PKP1: variants seen among roughly 807,000 people sequenced by gnomAD.
The protein encoded by PKP1 is plakophilin-1.
PKP1 carries 27 observed loss-of-function variants against 76.4 expected under a neutral mutation model. The observed-to-expected ratio is 0.35, with a 90% CI of 0.26 to 0.49. PKP1 has a LOEUF of 0.49. Ranked by LOEUF, PKP1 falls within the 20% of genes least tolerant of loss-of-function variation. The pLI, the probability that PKP1 is intolerant of heterozygous loss-of-function variation, is 0.99. For synonymous variants in PKP1, 404 were observed against 384.2 expected (o/e 1.05, Z -0.60); for missense variants, 964 against 955.2 (o/e 1.01, Z -0.12).
Position 201,299,077 on chromosome 1 carries a change from G to A in PKP1, c.306+5032G>A, listed in dbSNP as rs138614410. ...GGCCAGGTACTGCAGAGGGGCTGCC[G>A]GGGAGAAACACGGTAGGACTCCTAC... On this transcript the variant is annotated intron_variant, in intron 2 of 13. Transcript: ENST00000367324. Among the ~76,000 whole-genome samples the A allele has an allele frequency of 3.0e-3, 458 of 152,290 alleles. 1 individual carries two copies. The highest frequency in any genetic ancestry group is 9.3e-3 in the African/African-American group (385 of 41,556).
chr1:201,293,683 C>T (rs1036520198), intron 1 of PKP1, among the ~76,000 whole-genome samples: 5 of 152,194 alleles, frequency 3.3e-5, no homozygotes, highest in African/African-American at 1.2e-4. Context: ...AGCAGTGGAG[C>T]CACTGGGCTC....
At position 201,321,858 on chromosome 1, in the gene PKP1, G is replaced by A. The variant is rs371427022; in HGVS notation, c.1348-120G>A. On this transcript the variant is annotated intron_variant, in intron 7 of 13. Coordinates refer to ENST00000367324, the MANE Select transcript of PKP1 (RefSeq NM_001005337.3). ...AGGCTGATAGTGTGGTGGTGCCTGC[G>A]CTCATCTTTCCCGATGCAGCCCAGG... 66 of 1,118,966 alleles carry A rather than the reference G, an allele frequency of 5.9e-5. No individual in the cohort carries two copies. The East Asian group carries it at 1.3e-3, about 22-fold the overall frequency. 69.3% of individuals were successfully genotyped at this position (1,118,966 alleles called of 1,614,324 possible).
Position 201,283,755 on chromosome 1 carries a change from A to G in PKP1, c.53A>G (p.Gln18Arg). ...TALAYECFQD[Q>R]DNSTLALPSD... The stretch of plus-strand genomic sequence containing the variant: ...TTGGCGTACGAATGCTTCCAGGACC[A>G]GGACAACTCCACGTTGGCTTTGCCG... Residue 18 changes from glutamine (Q) to arginine (R), a missense_variant, in exon 1 of 14, where the codon CAG (glutamine) becomes CGG (arginine). Gln to Arg is a conservative substitution (Grantham distance 43). Transcript: ENST00000367324. 1 of 1,614,168 alleles carries G rather than the reference A, an allele frequency of 6.2e-7. No individual in the cohort carries two copies. The highest frequency in any genetic ancestry group is 1.3e-5 in the African/African-American group (1 of 75,068).
intron 8 of PKP1, among the ~76,000 whole-genome samples, 192 bp downstream of exon 8, chr1:201,322,325 A>T (rs905818457): frequency 2.0e-5 from 3 of 152,154 alleles, no homozygotes; most frequent in Admixed American, 6.5e-5. Context: ...ATCTTGCACA[A>T]GGGGGAATCT....
chr1:201,321,928 C>G (rs1041216909), intron 7 of PKP1, 50 bp from the exon 8 acceptor site: 4 of 1,609,114 alleles, frequency 2.5e-6, no homozygotes, highest in African/African-American at 2.7e-5. Flanking sequence ...AGGCCAGGAG[C>G]CTGTCGGGCC....
Position 201,313,353 on chromosome 1 carries a change from G to A in PKP1, c.494G>A (p.Gly165Asp), listed in dbSNP as rs544993083. ...SEPDLYCDPR[G>D]TLRKGTLGSK... Reference sequence around the variant, plus strand: ...CCCGACCTCTACTGTGACCCACGGGGCACCCTGCGCAAGGGCACGCTGGGC... The same window carrying A: ...CCCGACCTCTACTGTGACCCACGGGACACCCTGCGCAAGGGCACGCTGGGC... The change falls in exon 3 of 14, where the codon GGC (glycine) becomes GAC (aspartate). Residue 165 changes from glycine to aspartate, a missense_variant. Gly to Asp is a moderately conservative substitution (Grantham distance 94). Coordinates refer to ENST00000367324, the MANE Select transcript of PKP1 (RefSeq NM_001005337.3). 14 of 1,583,856 alleles carry A rather than the reference G, an allele frequency of 8.8e-6. No homozygotes were observed. In the South Asian group the frequency reaches 1.0e-4, roughly 12 times the overall value.
At chr1:201,318,585 G>A (rs1281353310) in intron 5 of PKP1, 33 bp from the exon 6 acceptor site, 2 of 1,607,348 alleles carry the variant, frequency 1.2e-6, no homozygotes, top group South Asian at 1.1e-5. Flanking sequence ...CCTGAGCCTG[G>A]CACAAATTGG....
chr1:201,286,599 G>A (rs1655746194), intron 1 of PKP1, among the ~76,000 whole-genome samples: 1 of 152,210 alleles, frequency 6.6e-6, no homozygotes, highest in Non-Finnish European at 1.5e-5. Context: ...GATCAGACAA[G>A]CACCTTGCCC....
chr1:201,301,076 G>A (rs1448793245), intron 2 of PKP1, among the ~76,000 whole-genome samples: 2 of 152,174 alleles, frequency 1.3e-5, no homozygotes, highest in Admixed American at 6.5e-5. Context: ...TGCTCCTCAG[G>A]GCCGAGTGAG....
In PKP1 at chr1:201,313,270, C is replaced by G. The variant is rs559169017; in HGVS notation, c.411C>G (p.Thr137=). Residue 137 remains threonine (T), a synonymous_variant, in exon 3 of 14, where the codon ACC becomes ACG. Coordinates refer to ENST00000367324, the MANE Select transcript of PKP1 (RefSeq NM_001005337.3). ...SRHYPRGSCN[T]TGAGSDICFM... is the part of the protein sequence containing the mutation. ...ACTACCCCCGGGGCAGCTGTAACAC[C>G]ACCGGCGCAGGCAGCGACATCTGCT... 2.2e-5 allele frequency: 35 copies of G among 1,604,654 alleles called. No individual in the cohort carries two copies. In the South Asian group the frequency reaches 3.8e-4, roughly 17 times the overall value.
At chr1:201,290,672 A>G (rs75662969) in intron 1 of PKP1, among the ~76,000 whole-genome samples, 2,673 of 152,286 alleles carry the variant, frequency 0.018, 76 homozygotes, top group African/African-American at 0.06. Context: ...AGGGTTGGGC[A>G]AGGGAGAAGA....
At chr1:201,311,474 CTG>C (rs768055340) in intron 2 of PKP1, among the ~76,000 whole-genome samples, 17 of 152,324 alleles carry the variant, frequency 1.1e-4, no homozygotes, top group Non-Finnish European at 2.5e-4. Context: ...GGTTAACAGT[CTG>C]TGGCTTCTGA....
intron 1 of PKP1, among the ~76,000 whole-genome samples, chr1:201,290,813 T>C (rs1655895152): frequency 1.3e-5 from 2 of 152,206 alleles, no homozygotes; most frequent in African/African-American, 4.8e-5. Flanking sequence ...TACATGGTGG[T>C]GGAGACTTGT....
chr1:201,312,102 C>A (rs1052710064), intron 2 of PKP1, among the ~76,000 whole-genome samples: 1 of 152,214 alleles, frequency 6.6e-6, no homozygotes, highest in East Asian at 1.9e-4. Flanking sequence ...CCCTGTACCC[C>A]ACCTTGCAGC....
chr1:201,317,620 C>T lies in PKP1; in HGVS notation c.895C>T (p.Pro299Ser), dbSNP rs757337621. Residue 299 changes from proline to serine, a missense_variant, in exon 5 of 14, where the codon CCC becomes TCC. Physicochemically the swap from Pro to Ser is moderately conservative, Grantham distance 74 (BLOSUM62 -1). Transcript: ENST00000367324. ...ICKLVDLLRS[P>S]NQNVQQAAAG... ...CAAGCTGGTGGACCTCCTCCGCAGC[C>T]CCAACCAGAACGTCCAGCAGGCCGC... The T allele has an allele frequency of 8.1e-6, 13 of 1,614,062 alleles. No homozygotes were observed. The highest frequency in any genetic ancestry group is 1.1e-5 in the Non-Finnish European group (13 of 1,180,022).
chr1:201,293,574 C>T (rs1655988143), intron 1 of PKP1, among the ~76,000 whole-genome samples: 1 of 152,158 alleles, frequency 6.6e-6, no homozygotes, highest in Non-Finnish European at 1.5e-5. Context: ...GGAATCTTAT[C>T]CTTGTGGAAC....
intron 2 of PKP1, among the ~76,000 whole-genome samples, chr1:201,306,307 G>A (rs1185732742): frequency 2.0e-5 from 3 of 152,238 alleles, no homozygotes; most frequent in Admixed American, 2.0e-4. Context: ...TGGAGCACCA[G>A]GTGTCGGCTA....
chr1:201,296,835 A>T (rs978813358), intron 2 of PKP1, among the ~76,000 whole-genome samples: 2 of 152,308 alleles, frequency 1.3e-5, no homozygotes, highest in Non-Finnish European at 2.9e-5. Context: ...TCATTTCTTT[A>T]TTGTCATGAC....
intron 2 of PKP1, among the ~76,000 whole-genome samples, chr1:201,302,736 C>T (rs901192734): frequency 6.6e-6 from 1 of 152,208 alleles, no homozygotes; most frequent in Non-Finnish European, 1.5e-5. Flanking sequence ...AAAAGCAGCT[C>T]TAGACCCGGA....
Sources: allele counts gnomAD v4.1 joint callset (sites outside exome capture counted in the v4.1 genomes callset), GRCh38; gene constraint gnomAD v4.1.1; transcripts MANE v1.5; gene names NCBI Gene and HGNC (gene_info 2026-07-23, HGNC 2026-07-21).